The following PTPRD variants were observed in gnomAD, a reference collection of about 807,000 sequenced individuals.
PTPRD encodes the protein protein tyrosine phosphatase receptor type D, also known as receptor-type tyrosine-protein phosphatase delta.
Under a neutral mutation model 214.5 loss-of-function variants are expected in PTPRD, and 34 were observed. That is an observed-to-expected ratio of 0.16 (90% CI 0.12 to 0.21). PTPRD has a LOEUF of 0.21. PTPRD is among the 10% of genes least tolerant of loss of function. PTPRD has a pLI of 1.00. For missense variants in PTPRD, 2,545 were observed against 2,398.7 expected, an observed-to-expected ratio of 1.06 and a Z score of -1.27; for synonymous variants, 1,128 against 845.7, an observed-to-expected ratio of 1.33 and a Z score of -5.79.
chr9:9,430,851 T>C (rs1448847860), intron 8 of PTPRD, among the ~76,000 whole-genome samples: 5 of 152,210 alleles, frequency 3.3e-5, no homozygotes, highest in East Asian at 1.9e-4. Context: ...GCTAGCCATA[T>C]GCAGAAAGCT....
At chr9:9,217,452 G>A (rs1259847206) in intron 9 of PTPRD, among the ~76,000 whole-genome samples, 1 of 152,020 alleles carries the variant, frequency 6.6e-6, no homozygotes, top group Non-Finnish European at 1.5e-5. Flanking sequence ...ATAAACCTGA[G>A]CAACACTCAA....
chr9:9,852,943 T>G (rs563362005), intron 5 of PTPRD, among the ~76,000 whole-genome samples: 2 of 152,308 alleles, frequency 1.3e-5, no homozygotes, highest in Admixed American at 1.3e-4. Flanking sequence ...GGATATCTAA[T>G]GGTGTTCCAC....
At chr9:8,643,473 C>G (rs950626853) in intron 12 of PTPRD, among the ~76,000 whole-genome samples, 1 of 152,144 alleles carries the variant, frequency 6.6e-6, no homozygotes, top group Non-Finnish European at 1.5e-5. Context: ...ATTGTGAACC[C>G]CTCATGATGG....
At chr9:9,074,723 T>C (rs1211364513) in intron 10 of PTPRD, among the ~76,000 whole-genome samples, 2 of 152,046 alleles carry the variant, frequency 1.3e-5, no homozygotes, top group Non-Finnish European at 2.9e-5. Context: ...ACTTTTTTTT[T>C]CTGTAGAGTT....
chr9:8,855,665 T>C (rs1371999050), intron 11 of PTPRD, among the ~76,000 whole-genome samples: 5 of 152,206 alleles, frequency 3.3e-5, no homozygotes, highest in African/African-American at 4.8e-5. Flanking sequence ...AAAAATTGAA[T>C]GCCACTTTTA....
intron 14 of PTPRD, among the ~76,000 whole-genome samples, chr9:8,587,010 G>T (rs1422161090): frequency 6.6e-6 from 1 of 151,984 alleles, no homozygotes; most frequent in African/African-American, 2.4e-5. Flanking sequence ...ATGCGGGCAT[G>T]GTGGTGGCGG....
At chr9:8,515,214 G>A (rs2097762591) in intron 21 of PTPRD, among the ~76,000 whole-genome samples, 1 of 152,124 alleles carries the variant, frequency 6.6e-6, no homozygotes, top group Non-Finnish European at 1.5e-5. Context: ...TCTGAATCAC[G>A]TTTTATCCTC....
At chr9:8,493,656 G>A (rs2097195055) in intron 26 of PTPRD, among the ~76,000 whole-genome samples, 1 of 152,114 alleles carries the variant, frequency 6.6e-6, no homozygotes, top group Non-Finnish European at 1.5e-5. Context: ...CCACTGAGGA[G>A]AATTTTCACA....
intron 2 of PTPRD, among the ~76,000 whole-genome samples, chr9:10,543,475 T>TACACACACACACACACAC (rs201493444): frequency 2.9e-5 from 3 of 104,262 alleles, no homozygotes; most frequent in African/African-American, 9.5e-5. Context: ...TTAATATATA[T>TACACACACACACACACAC]ATATACACAC....
At chr9:8,823,521 G>A (rs186211646) in intron 11 of PTPRD, among the ~76,000 whole-genome samples, 143 of 152,164 alleles carry the variant, frequency 9.4e-4, no homozygotes, top group African/African-American at 2.8e-3. Context: ...GTGGTGGCGC[G>A]TGCCTGTAAG....
chr9:10,187,316 T>C (rs990063374), intron 3 of PTPRD, among the ~76,000 whole-genome samples: 2 of 152,162 alleles, frequency 1.3e-5, no homozygotes, highest in African/African-American at 4.8e-5. Context: ...ACATGCAGTT[T>C]ACCAAAAACT....
chr9:10,036,792 C>T (rs943583640), intron 3 of PTPRD, among the ~76,000 whole-genome samples: 3 of 152,032 alleles, frequency 2.0e-5, no homozygotes, highest in East Asian at 1.9e-4. Context: ...TCATGTTGGC[C>T]AGGATGGTCT....
intron 34 of PTPRD, among the ~76,000 whole-genome samples, chr9:8,437,021 A>G (rs922602822): frequency 6.6e-6 from 1 of 152,206 alleles, no homozygotes; most frequent in African/African-American, 2.4e-5. Flanking sequence ...TGCTTTGAGT[A>G]ATGACTTTTA....
At chr9:9,820,711 T>C (rs1039781358) in intron 5 of PTPRD, among the ~76,000 whole-genome samples, 1 of 152,172 alleles carries the variant, frequency 6.6e-6, no homozygotes, top group Non-Finnish European at 1.5e-5. Context: ...GGCTAACCAG[T>C]ATCCCAGTAC....
intron 5 of PTPRD, among the ~76,000 whole-genome samples, chr9:9,911,694 T>C (rs940175138): frequency 6.6e-6 from 1 of 152,164 alleles, no homozygotes; most frequent in African/African-American, 2.4e-5. Flanking sequence ...AAATGCCAAG[T>C]AACTGGGCTA....
intron 10 of PTPRD, among the ~76,000 whole-genome samples, chr9:9,153,296 T>C (rs1273111391): frequency 2.0e-5 from 3 of 152,224 alleles, no homozygotes; most frequent in African/African-American, 7.2e-5. Flanking sequence ...TCTTTAGTTT[T>C]TAAAAGGTAG....
In PTPRD at chr9:8,500,891, C is replaced by T. The variant is rs2136967857; in HGVS notation, c.1991G>A (p.Gly664Glu). The T allele has an allele frequency of 1.2e-6, 2 of 1,614,080 alleles. No homozygotes were observed. The highest frequency in any genetic ancestry group is 1.7e-6 in the Non-Finnish European group (2 of 1,180,016). ...GTATTTGGTAGTGTCCGAAGGAATTCCCAAAATCTCGTGAGGCTTGTCATC... is the reference window on the plus strand; with the variant it reads ...GTATTTGGTAGTGTCCGAAGGAATTTCCAAAATCTCGTGAGGCTTGTCATC... Reference protein sequence around the residue: ...GEDDKPHEILGIPSDTTKYLL... With the variant: ...GEDDKPHEILEIPSDTTKYLL... The change falls in exon 24 of 46, where the codon GGA (glycine) becomes GAA (glutamate). Residue 664 changes from glycine to glutamate, a missense_variant. Physicochemically the swap from Gly to Glu is moderately conservative, Grantham distance 98. Coordinates refer to ENST00000381196, the MANE Select transcript of PTPRD (RefSeq NM_002839.4).
chr9:9,075,928 T>C (rs570525868), intron 10 of PTPRD, among the ~76,000 whole-genome samples: 1 of 152,182 alleles, frequency 6.6e-6, no homozygotes. Flanking sequence ...ATATACCCAG[T>C]AATGGGATGG....
At chr9:8,924,853 G>C (rs867493371) in intron 11 of PTPRD, among the ~76,000 whole-genome samples, 7 of 152,096 alleles carry the variant, frequency 4.6e-5, no homozygotes, top group South Asian at 4.1e-4. Context: ...AAATGTGACA[G>C]TGCTTAGAAT....
Sources: gnomAD v4.1 joint callset for allele counts (sites outside exome capture counted in the v4.1 genomes callset) on GRCh38, gnomAD v4.1.1 for gene constraint, MANE v1.5 for transcripts, NCBI Gene and HGNC (gene_info 2026-07-23, HGNC 2026-07-21) for gene names.